Variants in KIF26B observed in about 807,000 individuals in gnomAD.
The protein encoded by KIF26B is kinesin-like protein KIF26B.
A neutral mutation model predicts 151.2 loss-of-function variants in KIF26B; 63 were observed. That is an observed-to-expected ratio of 0.42 (90% CI 0.34 to 0.51). The LOEUF is 0.51. KIF26B is among the 20% of genes least tolerant of loss of function. KIF26B has a pLI of 0.07. For synonymous variants in KIF26B, 1,357 were observed against 1,262.1 expected, an observed-to-expected ratio of 1.08 and a Z score of -1.59; for missense variants, 2,813 against 2,913.6, an observed-to-expected ratio of 0.97 and a Z score of 0.79.
intron 5 of KIF26B, among the ~76,000 whole-genome samples, chr1:245,582,788 TAAC>T (rs1473745756): frequency 6.6e-6 from 1 of 152,154 alleles, no homozygotes; most frequent in South Asian, 2.1e-4. Flanking sequence ...GTCTCCTACT[TAAC>T]AATAATATGC....
In KIF26B at chr1:245,227,474, CT is replaced by C. The variant is rs1379028100; in HGVS notation, c.465+70792del. Among the ~76,000 whole-genome samples, 1 of 152,130 alleles carries C rather than the reference CT, an allele frequency of 6.6e-6. No individual in the cohort carries two copies. The highest frequency in any genetic ancestry group is 6.5e-5 in the Admixed American group (1 of 15,278). On this transcript the variant is annotated intron_variant, in intron 2 of 14. Coordinates refer to ENST00000407071, the MANE Select transcript of KIF26B (RefSeq NM_018012.4). This position sits in a 1 kb window ranked among gnomAD's most constrained non-coding sequence, Gnocchi z 4.1. ...TGGCCTCTCTTGTTTCTTCCCACCCCTGTCACACCGCCCTTGACCATGGTTG... is the reference window on the plus strand; with the variant it reads ...TGGCCTCTCTTGTTTCTTCCCACCCCGTCACACCGCCCTTGACCATGGTTG...
At chr1:245,379,006 TACTCA>T (rs1445842559) in intron 3 of KIF26B, among the ~76,000 whole-genome samples, 1 of 152,224 alleles carries the variant, frequency 6.6e-6, no homozygotes, top group Non-Finnish European at 1.5e-5. Context: ...CATTTTCTTT[TACTCA>T]ACTCAAGTTC....
At chr1:245,219,582 A>C (rs1255252965) in intron 2 of KIF26B, among the ~76,000 whole-genome samples, 1 of 151,998 alleles carries the variant, frequency 6.6e-6, no homozygotes, top group Non-Finnish European at 1.5e-5. Context: ...AAAATACAAA[A>C]AATTAGCCAG....
intron 5 of KIF26B, among the ~76,000 whole-genome samples, chr1:245,566,447 G>A (rs964586841): frequency 5.3e-5 from 8 of 152,334 alleles, no homozygotes; most frequent in African/African-American, 1.7e-4. Context: ...TGTGCTCACT[G>A]TATAAAATAC....
chr1:245,287,630 A>G (rs540967512), intron 2 of KIF26B, among the ~76,000 whole-genome samples: 16 of 151,704 alleles, frequency 1.1e-4, no homozygotes, highest in African/African-American at 2.4e-4. Context: ...CAGCCTTCCA[A>G]TTAGCTGGGA....
chr1:245,584,501 C>T (rs1430721721), intron 5 of KIF26B, among the ~76,000 whole-genome samples: 2 of 152,204 alleles, frequency 1.3e-5, no homozygotes, highest in Non-Finnish European at 2.9e-5. Flanking sequence ...CTCAAACACA[C>T]TCATGTGCAC....
chr1:245,635,436 T>C (rs988952057), intron 9 of KIF26B, among the ~76,000 whole-genome samples: 8 of 152,162 alleles, frequency 5.3e-5, no homozygotes, highest in Non-Finnish European at 1.2e-4. Context: ...TTCTTTATTA[T>C]CTTTTTGATA....
intron 2 of KIF26B, among the ~76,000 whole-genome samples, chr1:245,250,195 A>G (rs774276369): frequency 2.0e-5 from 3 of 152,180 alleles, no homozygotes; most frequent in Non-Finnish European, 4.4e-5. Flanking sequence ...AGAGATAACC[A>G]AAATTAGCCT....
chr1:245,267,462 C>T (rs1164448479), intron 2 of KIF26B, among the ~76,000 whole-genome samples: 1 of 152,186 alleles, frequency 6.6e-6, no homozygotes, highest in African/African-American at 2.4e-5. Context: ...CTCAGTGCAG[C>T]AGTCTCAGAG....
At chr1:245,331,796 G>C (rs1014740492) in intron 2 of KIF26B, among the ~76,000 whole-genome samples, 1 of 152,156 alleles carries the variant, frequency 6.6e-6, no homozygotes, top group African/African-American at 2.4e-5. Context: ...AGAAAATGCA[G>C]GGATTTTTAA....
intron 2 of KIF26B, among the ~76,000 whole-genome samples, chr1:245,291,070 G>A (rs1671246775): frequency 6.6e-6 from 1 of 152,180 alleles, no homozygotes; most frequent in Non-Finnish European, 1.5e-5. Context: ...GCTTTTTCAA[G>A]TGGCAACTGG....
intron 2 of KIF26B, among the ~76,000 whole-genome samples, chr1:245,297,314 G>T (rs1297697059): frequency 6.6e-6 from 1 of 152,210 alleles, no homozygotes; most frequent in Non-Finnish European, 1.5e-5. Flanking sequence ...CTGCACTCCA[G>T]CCTGAGTGAC....
At chr1:245,380,882 A>G (rs1292065868) in intron 3 of KIF26B, among the ~76,000 whole-genome samples, 2 of 142,446 alleles carry the variant, frequency 1.4e-5, no homozygotes, top group East Asian at 2.3e-4. Flanking sequence ...AATGCGCTGT[A>G]TTGTATCTCC....
intron 10 of KIF26B, among the ~76,000 whole-genome samples, chr1:245,656,836 AATTC>A (rs928962595): frequency 7.9e-5 from 12 of 152,150 alleles, no homozygotes; most frequent in African/African-American, 2.4e-4. Context: ...TTTTGTGTGT[AATTC>A]ATTCATTCAT....
At chr1:245,261,476 T>TCC (rs1670638732) in intron 2 of KIF26B, among the ~76,000 whole-genome samples, 1 of 35,822 alleles carries the variant, frequency 2.8e-5, no homozygotes, top group Non-Finnish European at 4.8e-5. Flanking sequence ...TTTCTCTCTC[T>TCC]CTCTCTCTCT....
chr1:245,442,597 A>G (rs1342518764), intron 4 of KIF26B, among the ~76,000 whole-genome samples: 1 of 152,094 alleles, frequency 6.6e-6, no homozygotes, highest in Non-Finnish European at 1.5e-5. Context: ...CAGCCTGACC[A>G]TACTGGGGAA....
rs2044503728 is a variant in KIF26B at position 245,685,704 on chromosome 1, G to C, written c.2721G>C (p.Glu907Asp). ...QKTRGDSRPA[E>D]AGEAAAGKSE... ...CCCGGGGCGACAGCCGGCCCGCAGA[G>C]GCAGGAGAGGCTGCAGCCGGCAAGT... Residue 907 changes from glutamate to aspartate, a missense_variant, in exon 12 of 15, where the codon GAG (glutamate) becomes GAC (aspartate). Coordinates refer to ENST00000407071, the MANE Select transcript of KIF26B (RefSeq NM_018012.4). 2.5e-6 allele frequency: 4 copies of C among 1,612,354 alleles called. No homozygotes were observed. Among genetic ancestry groups the C allele is most frequent in the African/African-American group, 1.3e-5 (1 of 74,944 alleles).
At chr1:245,207,626 G>A (rs897306947) in intron 2 of KIF26B, among the ~76,000 whole-genome samples, 4 of 152,098 alleles carry the variant, frequency 2.6e-5, no homozygotes, top group Non-Finnish European at 4.4e-5. Context: ...TACTGGACCC[G>A]GAAGAAACAT....
chr1:245,169,105 G>A (rs550995725), intron 2 of KIF26B, among the ~76,000 whole-genome samples: 6 of 152,192 alleles, frequency 3.9e-5, no homozygotes, highest in Admixed American at 2.0e-4. Flanking sequence ...AGAGGAGCAC[G>A]AGCCCCAGGA....
Sources: allele counts gnomAD v4.1 joint callset (sites outside exome capture counted in the v4.1 genomes callset), GRCh38; gene constraint gnomAD v4.1.1; non-coding constraint Gnocchi (gnomAD v3.1); transcripts MANE v1.5; gene names NCBI Gene and HGNC (gene_info 2026-07-23, HGNC 2026-07-21).